Variants in OXSR1 observed in about 807,000 individuals in gnomAD.
OXSR1 encodes serine/threonine-protein kinase OSR1.
OXSR1 carries 24 observed loss-of-function variants against 79.8 expected under a neutral mutation model. That is an observed-to-expected ratio of 0.30 (90% confidence interval 0.22 to 0.42). The LOEUF is 0.42. OXSR1 is among the 10% of genes least tolerant of loss of function. The probability of loss-of-function intolerance (pLI) is 1.00; values close to 1 mark genes in which losing one functional copy is unlikely to be tolerated. For synonymous variants in OXSR1, 226 were observed against 209.2 expected, an observed-to-expected ratio of 1.08 and a Z score of -0.69; for missense variants, 430 against 618.4, an observed-to-expected ratio of 0.70 and a Z score of 3.23.
At position 38,247,705 on chromosome 3, in the gene OXSR1, T is replaced by A; in HGVS notation, c.1295T>A (p.Ile432Asn). The change falls in exon 14 of 18, where the codon ATC (isoleucine) becomes AAC (asparagine). Residue 432 changes from isoleucine to asparagine, a missense_variant. This residue lies in a region of OXSR1 where 276 missense variants were observed against 354.2 expected (regional missense o/e 0.78). Coordinates refer to ENST00000311806, the MANE Select transcript of OXSR1 (RefSeq NM_005109.3). Reference protein sequence around the residue: ...SSGSGSQETKIPISLVLRLRN... With the variant: ...SSGSGSQETKNPISLVLRLRN... ...GGATCAGGTTCACAAGAAACCAAGA[T>A]CCCAATCAGTCTAGTACTAAGATTA... 6.2e-7 allele frequency: 1 copy of A among 1,611,914 alleles called. No homozygotes were observed. Among genetic ancestry groups the A allele is most frequent in the African/African-American group, 1.3e-5 (1 of 74,980 alleles).
chr3:38,208,985 TGCGCGCGCGC>T (rs1553635633), intron 4 of OXSR1, among the ~76,000 whole-genome samples: 1 of 128,222 alleles, frequency 7.8e-6, no homozygotes, highest in South Asian at 2.2e-4. Context: ...TGTGTGTGTG[TGCGCGCGCGC>T]GTGCGCGCAT....
At chr3:38,175,859 G>T (rs1701667746) in intron 1 of OXSR1, among the ~76,000 whole-genome samples, 1 of 152,204 alleles carries the variant, frequency 6.6e-6, no homozygotes, top group African/African-American at 2.4e-5. Context: ...GAGGATGTAG[G>T]ATGGGGCATT....
intron 4 of OXSR1, among the ~76,000 whole-genome samples, chr3:38,213,064 A>C (rs1393890539): frequency 6.6e-6 from 1 of 152,200 alleles, no homozygotes; most frequent in Non-Finnish European, 1.5e-5. Context: ...TAGTCACTCA[A>C]AGTGCAGGCT....
At position 38,221,071 on chromosome 3, in the gene OXSR1, C is replaced by T. The variant is rs1273318263; in HGVS notation, c.491-507C>T. 2.6e-5 allele frequency among the ~76,000 whole-genome samples: 4 copies of T among 152,122 alleles called. No homozygotes were observed. The East Asian group carries it at 7.7e-4, about 29-fold the overall frequency. ...TTATTTGGGGCTGAGTTCTTGAGAG[C>T]TCTTTGAATACTAAGCTAAAAAGGT... On this transcript the variant is annotated intron_variant, in intron 5 of 17. Transcript: ENST00000311806.
At chr3:38,207,913 T>G in intron 4 of OXSR1, among the ~76,000 whole-genome samples, 1 of 64,424 alleles carries the variant, frequency 1.6e-5, no homozygotes, top group Admixed American at 2.4e-4. Context: ...CCCCTCCCCC[T>G]CCCCTCCCCT....
chr3:38,176,068 A>G (rs1353986369), intron 1 of OXSR1, among the ~76,000 whole-genome samples: 3 of 152,192 alleles, frequency 2.0e-5, no homozygotes, highest in Non-Finnish European at 4.4e-5. Flanking sequence ...ATCCTATTAT[A>G]GCAGACTAAA....
chr3:38,166,074 G>A, intron 1 of OXSR1, 128 bp downstream of exon 1: 1 of 833,990 alleles, frequency 1.2e-6, no homozygotes, highest in Non-Finnish European at 2.0e-6. Flanking sequence ...GTGGGGCTGG[G>A]GGCTTGTAGG....
intron 8 of OXSR1, among the ~76,000 whole-genome samples, chr3:38,226,256 C>G (rs906533595): frequency 4.6e-5 from 7 of 151,820 alleles, no homozygotes; most frequent in Non-Finnish European, 1.0e-4. Context: ...AACTAGTTAG[C>G]AGACACAAGC....
chr3:38,230,271 C>CTA, intron 9 of OXSR1, 94 bp from the exon 10 acceptor site: 2 of 770,432 alleles, frequency 2.6e-6, no homozygotes, highest in Non-Finnish European at 4.6e-6. Context: ...AGAACAGTTA[C>CTA]TATATCACAT....
chr3:38,244,446 C>T lies in OXSR1; in HGVS notation c.1111-1629C>T, dbSNP rs34314520. 7.1e-3 allele frequency among the ~76,000 whole-genome samples: 1,075 copies of T among 152,248 alleles called. 17 individuals are homozygous for T. Among genetic ancestry groups the T allele is most frequent in the African/African-American group, 0.025 (1,031 of 41,534 alleles). ...TATTAAACAGTAACTGCATTCTCCC[C>T]AGTCGCTGGCAACCACCATTCTATT... On this transcript the variant is annotated intron_variant, in intron 12 of 17. Transcript: ENST00000311806.
intron 2 of OXSR1, among the ~76,000 whole-genome samples, chr3:38,186,107 CA>C (rs1261954865): frequency 6.6e-6 from 1 of 151,798 alleles, no homozygotes; most frequent in Non-Finnish European, 1.5e-5. Flanking sequence ...GTCTGCTTGG[CA>C]GGGGTTTAAA....
In OXSR1 at chr3:38,194,217, C is replaced by T. The variant is rs188923249; in HGVS notation, c.292+3378C>T. On this transcript the variant is annotated intron_variant, in intron 3 of 17. Transcript: ENST00000311806. ...ACAGTTGCAGTGAGATTAACTAAAACTTGCCTCTGGAGGTGAAGTCCAACT... is the reference window on the plus strand; with the variant it reads ...ACAGTTGCAGTGAGATTAACTAAAATTTGCCTCTGGAGGTGAAGTCCAACT... Among the ~76,000 whole-genome samples the T allele has an allele frequency of 2.8e-3, 432 of 152,246 alleles. 2 individuals carry two copies. Among genetic ancestry groups the T allele is most frequent in the Non-Finnish European group, 3.3e-3 (222 of 68,012 alleles).
intron 8 of OXSR1, 64 bp downstream of exon 8, chr3:38,224,768 C>T (rs769286958): frequency 1.4e-5 from 16 of 1,106,882 alleles, no homozygotes; most frequent in Middle Eastern, 3.0e-4. Flanking sequence ...CTAAGAATCA[C>T]ATACTCATAT....
intron 9 of OXSR1, 122 bp downstream of exon 9, chr3:38,229,857 G>T (rs866109133): frequency 2.6e-6 from 2 of 775,028 alleles, no homozygotes; most frequent in Middle Eastern, 4.5e-4. Context: ...TAAAATAATT[G>T]CAGAAAGCAC....
Position 38,247,045 on chromosome 3 carries a change from C to G in OXSR1, c.1258-623C>G, listed in dbSNP as rs558494603. Among the ~76,000 whole-genome samples the G allele has an allele frequency of 2.0e-5, 3 of 151,578 alleles. No homozygotes were observed. In the South Asian group the frequency reaches 6.2e-4, roughly 32 times the overall value. On this transcript the variant is annotated intron_variant, in intron 13 of 17. Transcript: ENST00000311806. ...ACTGCTTTGAGCATTTCCAATTAGTCATGGCACTTACTTCATTTAACTTTG... is the reference window on the plus strand; with the variant it reads ...ACTGCTTTGAGCATTTCCAATTAGTGATGGCACTTACTTCATTTAACTTTG...
rs1028573393 is a variant in OXSR1 at position 38,254,118 on chromosome 3, T to C, written c.*1227T>C. The C allele has an allele frequency of 7.5e-6, 3 of 398,538 alleles. No homozygotes were observed. Among genetic ancestry groups the C allele is most frequent in the African/African-American group, 6.2e-5 (3 of 48,620 alleles). 24.7% of individuals were successfully genotyped at this position (398,538 alleles called of 1,614,324 possible). A position where few individuals can be genotyped will look rare whatever the true frequency, so the allele number is the denominator to read the frequency against. On this transcript the variant is annotated 3_prime_UTR_variant, in exon 18 of 18. Transcript: ENST00000311806. ...TTCATAGTCTTTGTCTAACTGCTAG[T>C]AACCCTACCGAGTTTTATATATGAG...
At chr3:38,208,773 G>A (rs1416625632) in intron 4 of OXSR1, among the ~76,000 whole-genome samples, 8 of 152,108 alleles carry the variant, frequency 5.3e-5, no homozygotes, top group African/African-American at 9.7e-5. Context: ...GTGGTGGCAC[G>A]CACCTGTAGT....
At chr3:38,195,002 T>A (rs1028094609) in intron 3 of OXSR1, among the ~76,000 whole-genome samples, 1 of 152,240 alleles carries the variant, frequency 6.6e-6, no homozygotes, top group Admixed American at 6.5e-5. Flanking sequence ...TGTGTCAATA[T>A]TATAATCATT....
chr3:38,230,557 C>T, intron 10 of OXSR1, 127 bp downstream of exon 10: 1 of 670,558 alleles, frequency 1.5e-6, no homozygotes, highest in South Asian at 1.7e-5. Flanking sequence ...CTTTCTAAAG[C>T]ATTCTTTGAT....
Sources: allele counts gnomAD v4.1 joint callset (sites outside exome capture counted in the v4.1 genomes callset), GRCh38; gene constraint gnomAD v4.1.1; regional missense constraint gnomAD v4.1.1; transcripts MANE v1.5; gene names NCBI Gene and HGNC (gene_info 2026-07-23, HGNC 2026-07-21).